The following CD47 variants were observed in gnomAD, a reference collection of about 807,000 sequenced individuals.
CD47 encodes the protein CD47 molecule.
A neutral mutation model predicts 44.6 loss-of-function variants in CD47; 11 were observed. The ratio of observed to expected loss-of-function variants is 0.25; its 90% CI spans 0.16 to 0.41. The LOEUF (loss-of-function observed/expected upper bound fraction) is 0.41. Ranked by LOEUF, CD47 falls within the 10% of genes least tolerant of loss-of-function variation. The pLI is 1.00. For synonymous variants in CD47, 140 were observed against 136.3 expected (o/e 1.03, Z -0.19); for missense variants, 306 against 386.7 (o/e 0.79, Z 1.75).
At chr3:108,090,477 G>A (rs2079609870) in intron 1 of CD47, among the ~76,000 whole-genome samples, 2 of 152,176 alleles carry the variant, frequency 1.3e-5, no homozygotes, top group Admixed American at 1.3e-4. Context: ...TGAGAAGGGA[G>A]AGGGGTGCGA....
chr3:108,080,067 G>A lies in CD47; in HGVS notation c.324C>T (p.His108=), dbSNP rs768459316. Residue 108 remains histidine (H), a synonymous_variant, in exon 2 of 11, where the codon CAC becomes CAT. Coordinates refer to ENST00000361309, the MANE Select transcript of CD47 (RefSeq NM_001777.4). ...TTACTTCACAAGTGTAGTTTCCTGT[G>A]TGTGAGACAGCATCACTCTTATCCA... is the stretch of plus-strand genomic sequence containing the variant. The part of the protein sequence containing the change: ...LKMDKSDAVS[H]TGNYTCEVTE... The A allele has an allele frequency of 4.3e-6, 7 of 1,612,912 alleles. No homozygotes were observed. In the South Asian group the frequency reaches 4.4e-5, roughly 10 times the overall value.
rs1224601442 is a variant in CD47, at chr3:108,045,641, A to G, written c.*1647T>C. 6.6e-6 allele frequency: 1 copy of G among 152,456 alleles called. No individual in the cohort carries two copies. Among genetic ancestry groups the G allele is most frequent in the African/African-American group, 2.4e-5 (1 of 41,374 alleles). 9.4% of individuals were successfully genotyped at this position (152,456 alleles called of 1,614,324 possible). On this transcript the variant is annotated 3_prime_UTR_variant, in exon 11 of 11. Transcript: ENST00000361309. ...AGCAGGTCATAAATTTAGGTTTGCC[A>G]TGGGCAAACTACTTGGTCCCAACAT...
intron 2 of CD47, among the ~76,000 whole-genome samples, chr3:108,076,648 A>G (rs1347810247): frequency 1.3e-5 from 2 of 152,172 alleles, no homozygotes; most frequent in Non-Finnish European, 2.9e-5. Context: ...TCTTGAGAGG[A>G]TAACAGGACA....
In CD47 at chr3:108,043,471, C is replaced by T. The variant is rs2078662733; in HGVS notation, c.*3817G>A. ...AAAAAAACCTTTAACGGTAACACAG[C>T]TGTAAAACAACTTTGGTCTTCAAAT... is the stretch of plus-strand genomic sequence containing the variant. On this transcript the variant is annotated 3_prime_UTR_variant, in exon 11 of 11. Coordinates refer to ENST00000361309, the MANE Select transcript of CD47 (RefSeq NM_001777.4). The T allele has an allele frequency of 6.6e-6, 1 of 152,070 alleles. No individual in the cohort carries two copies. Among genetic ancestry groups the T allele is most frequent in the Non-Finnish European group, 1.5e-5 (1 of 67,946 alleles). The allele number at this position is 152,070 out of a possible 1,614,324, so 9.4% of individuals were successfully genotyped here.
Position 108,071,077 on chromosome 3 carries a change from T to C in CD47, c.490+16A>G. ...TCATCACTGAAACATAAATGAAAAG[T>C]AGAAATAATACTTACTTTTAATACC... On this transcript the variant is annotated intron_variant, in intron 3 of 10. Coordinates refer to ENST00000361309, the MANE Select transcript of CD47 (RefSeq NM_001777.4). 2 of 1,080,006 alleles carry C rather than the reference T, an allele frequency of 1.9e-6. No homozygotes were observed. Among genetic ancestry groups the C allele is most frequent in the Non-Finnish European group, 2.7e-6 (2 of 738,334 alleles). The allele number at this position is 1,080,006 out of a possible 1,614,324, so 66.9% of individuals were successfully genotyped here. A position where few individuals can be genotyped will look rare whatever the true frequency, so the allele number is the denominator to read the frequency against.
In CD47 at chr3:108,044,574, C is replaced by T. The variant is rs1048045274; in HGVS notation, c.*2714G>A. ...AGCTTCTGATGTATGCAAAACACTG[C>T]AGGAAGAGAGAATGAAAGAAAGAAA... On this transcript the variant is annotated 3_prime_UTR_variant, in exon 11 of 11. Transcript: ENST00000361309. 9 of 151,442 alleles carry T rather than the reference C, an allele frequency of 5.9e-5. No homozygotes were observed. The highest frequency in any genetic ancestry group is 2.2e-4 in the African/African-American group (9 of 41,124). The allele number at this position is 151,442 out of a possible 1,614,324, so 9.4% of individuals were successfully genotyped here.
intron 3 of CD47, among the ~76,000 whole-genome samples, chr3:108,068,881 CATCT>C (rs1401877718): frequency 1.3e-5 from 2 of 152,166 alleles, no homozygotes; most frequent in African/African-American, 4.8e-5. Flanking sequence ...CATACACACA[CATCT>C]ACCTGTTTCA....
In CD47 at chr3:108,086,463, T is replaced by C. The variant is rs143578966; in HGVS notation, c.46+4400A>G. On this transcript the variant is annotated intron_variant, in intron 1 of 10. Transcript: ENST00000361309. ...ATTAAAATTGTGAACCAAAATAGTA[T>C]GTGTAGCTAGTTAGATGGTAGGCTA... Among the ~76,000 whole-genome samples the C allele has an allele frequency of 3.8e-3, 578 of 152,184 alleles. 3 individuals carry two copies. Among genetic ancestry groups the C allele is most frequent in the Non-Finnish European group, 4.6e-3 (315 of 67,976 alleles).
intron 5 of CD47, among the ~76,000 whole-genome samples, chr3:108,058,819 T>C (rs1576993533): frequency 2.0e-5 from 3 of 152,226 alleles, no homozygotes; most frequent in East Asian, 1.9e-4. Flanking sequence ...TCATGCTCTC[T>C]ATCTCTAGAT....
At chr3:108,076,037 T>G (rs1336132278) in intron 2 of CD47, among the ~76,000 whole-genome samples, 2 of 152,322 alleles carry the variant, frequency 1.3e-5, no homozygotes, top group South Asian at 4.1e-4. Context: ...CTGTCACAAT[T>G]ATGTGAGCCT....
intron 9 of CD47, among the ~76,000 whole-genome samples, chr3:108,050,015 G>A (rs920186787): frequency 5.3e-5 from 8 of 152,184 alleles, no homozygotes; most frequent in African/African-American, 1.7e-4. Flanking sequence ...AAAAGGCAAC[G>A]ATCCCCTTGC....
intron 10 of CD47, among the ~76,000 whole-genome samples, chr3:108,047,606 T>C (rs1177057128): frequency 6.6e-6 from 1 of 152,216 alleles, no homozygotes. Flanking sequence ...TTCTATAATA[T>C]TCACTTTGGA....
chr3:108,063,010 T>C (rs2079043159), intron 3 of CD47, among the ~76,000 whole-genome samples: 1 of 152,092 alleles, frequency 6.6e-6, no homozygotes. Context: ...ATTTATCCTC[T>C]TAAGGCTTAG....
chr3:108,088,526 T>C (rs2079564677), intron 1 of CD47, among the ~76,000 whole-genome samples: 1 of 152,100 alleles, frequency 6.6e-6, no homozygotes, highest in Non-Finnish European at 1.5e-5. Flanking sequence ...AAAAATAATA[T>C]ATTCTTTAAG....
rs369372814 is a variant in CD47 at position 108,050,112 on chromosome 3, T to C, written c.935-461A>G. Among the ~76,000 whole-genome samples, 109 of 152,186 alleles carry C rather than the reference T, an allele frequency of 7.2e-4. 4 individuals are homozygous for C. The South Asian group carries it at 0.022, about 30-fold the overall frequency. On this transcript the variant is annotated intron_variant, in intron 9 of 10. Transcript: ENST00000361309. ...TGGTGAGAATATTATAAAAGTAATATTCATAATTCTTTTTTATTTTTTTTG... is the reference window on the plus strand; with the variant it reads ...TGGTGAGAATATTATAAAAGTAATACTCATAATTCTTTTTTATTTTTTTTG...
chr3:108,070,700 A>C (rs2079184386), intron 3 of CD47, among the ~76,000 whole-genome samples: 1 of 152,216 alleles, frequency 6.6e-6, no homozygotes, highest in African/African-American at 2.4e-5. Context: ...AAAGAGGGGA[A>C]TCTAAATGCT....
At chr3:108,082,674 TTAAG>T (rs1289098262) in intron 1 of CD47, among the ~76,000 whole-genome samples, 4 of 152,010 alleles carry the variant, frequency 2.6e-5, no homozygotes, top group African/African-American at 4.8e-5. Context: ...AAGGCTTTAA[TTAAG>T]TAAGTAAGAA....
intron 10 of CD47, among the ~76,000 whole-genome samples, chr3:108,049,126 CTCTCTCTCTCT>C: frequency 6.7e-6 from 1 of 150,262 alleles, no homozygotes; most frequent in African/African-American, 2.5e-5. Flanking sequence ...CTCTCTCTCT[CTCTCTCTCTCT>C]CTCTCTCAAC....
rs150463876 is a variant in CD47, at chr3:108,044,493, T to C, written c.*2795A>G. 30 of 136,050 alleles carry C rather than the reference T, an allele frequency of 2.2e-4. 1 individual carries two copies. Among genetic ancestry groups the C allele is most frequent in the African/African-American group, 8.4e-4 (30 of 35,774 alleles). 8.4% of individuals were successfully genotyped at this position (136,050 alleles called of 1,614,324 possible). On this transcript the variant is annotated 3_prime_UTR_variant, in exon 11 of 11. Coordinates refer to ENST00000361309, the MANE Select transcript of CD47 (RefSeq NM_001777.4). Reference sequence around the variant, plus strand: ...AAAGAAAACTCTCAAGCTCACCCTATTAAAAAGTGATAAATCTAAATACAG... The same window carrying C: ...AAAGAAAACTCTCAAGCTCACCCTACTAAAAAGTGATAAATCTAAATACAG...
Sources: gnomAD v4.1 joint callset for allele counts (sites outside exome capture counted in the v4.1 genomes callset) on GRCh38, gnomAD v4.1.1 for gene constraint, MANE v1.5 for transcripts, NCBI Gene and HGNC (gene_info 2026-07-23, HGNC 2026-07-21) for gene names.